DOP1B: variants seen among roughly 807,000 people sequenced by gnomAD.
DOP1B encodes the protein protein DOP1B.
DOP1B carries 174 observed loss-of-function variants against 233.5 expected under a neutral mutation model. That is an observed-to-expected ratio of 0.75 (90% confidence interval 0.66 to 0.85). The LOEUF is 0.85. DOP1B is among the 40% of genes least tolerant of loss of function. The pLI is 0.00. For synonymous variants in DOP1B, 1,190 were observed against 1,185.6 expected (o/e 1.00, Z -0.08); for missense variants, 2,652 against 2,846.6 (o/e 0.93, Z 1.56).
chr21:36,253,735 C>G, intron 22 of DOP1B, 37 bp from the exon 23 acceptor site: 1 of 1,603,152 alleles, frequency 6.2e-7, no homozygotes, highest in African/African-American at 1.3e-5. Flanking sequence ...TACTTTCTCT[C>G]TATAAGCTTT....
In DOP1B at chr21:36,214,129, A is replaced by G. The variant is rs777157544; in HGVS notation, c.953A>G (p.Asn318Ser). The change falls in exon 8 of 37, where the codon AAT becomes AGT. Residue 318 changes from asparagine to serine, a missense_variant. Transcript: ENST00000691173. ...GTTGTGCCAGAATCTGAAATCTCAA[A>G]TTCTTATGAAGACCAGTCGTCTTAT... ...NTVVPESEIS[N>S]SYEDQSSYFF... is the part of the protein sequence containing the mutation. The G allele has an allele frequency of 1.4e-5, 22 of 1,613,940 alleles. No individual in the cohort carries two copies. Among genetic ancestry groups the G allele is most frequent in the African/African-American group, 1.1e-4 (8 of 74,926 alleles).
chr21:36,224,857 T>C (rs971731629), intron 11 of DOP1B, among the ~76,000 whole-genome samples: 1 of 151,906 alleles, frequency 6.6e-6, no homozygotes, highest in Non-Finnish European at 1.5e-5. Flanking sequence ...ACTCCTGGAA[T>C]TACTTGGAGA....
chr21:36,170,205 A>G (rs1275918670), intron 2 of DOP1B: 1 of 429,656 alleles, frequency 2.3e-6, no homozygotes, highest in Admixed American at 3.7e-5. Context: ...CCACCGGTAG[A>G]GCTCTCCCTG....
Position 36,230,597 on chromosome 21 carries a change from A to T in DOP1B, c.1813A>T (p.Arg605Trp). 1 of 1,614,168 alleles carries T rather than the reference A, an allele frequency of 6.2e-7. No homozygotes were observed. The highest frequency in any genetic ancestry group is 8.5e-7 in the Non-Finnish European group (1 of 1,180,020). The stretch of plus-strand genomic sequence containing the variant: ...GTCACCGGAGCTCTCTGAGCACTTG[A>T]GGGTTCCTCGAGTTTCTCTGGAAAG... Reference protein sequence around the residue: ...ASSPELSEHLRVPRVSLERDD... With the variant: ...ASSPELSEHLWVPRVSLERDD... Residue 605 changes from arginine to tryptophan, a missense_variant, in exon 14 of 37, where the codon AGG becomes TGG. Arg to Trp is a moderately radical substitution (Grantham distance 101). Coordinates refer to ENST00000691173, the MANE Select transcript of DOP1B (RefSeq NM_001320714.2).
In DOP1B at chr21:36,270,550, C is replaced by CT. The variant is rs1465343757; in HGVS notation, c.5632+394dup. On this transcript the variant is annotated intron_variant, in intron 27 of 36. Coordinates refer to ENST00000691173, the MANE Select transcript of DOP1B (RefSeq NM_001320714.2). The stretch of plus-strand genomic sequence containing the variant: ...CCCAGGCGACAAAGCAAGACTCCGT[C>CT]TCAAAAAAAAAAAAAAAAAAAAAAA... 3.8e-3 allele frequency among the ~76,000 whole-genome samples: 130 copies of CT among 34,476 alleles called. 4 individuals are homozygous for CT. Among genetic ancestry groups the CT allele is most frequent in the African/African-American group, 0.02 (126 of 6,354 alleles). 22.6% of individuals were successfully genotyped at this position (34,476 alleles called of 152,430 possible). A position where few individuals can be genotyped will look rare whatever the true frequency, so the allele number is the denominator to read the frequency against.
At chr21:36,227,355 G>A (rs561349190) in intron 12 of DOP1B, among the ~76,000 whole-genome samples, 15 of 151,694 alleles carry the variant, frequency 9.9e-5, no homozygotes, top group African/African-American at 3.2e-4. Context: ...AGACCATCCT[G>A]GCTAACACGG....
intron 2 of DOP1B, among the ~76,000 whole-genome samples, chr21:36,183,204 A>T (rs2066121113): frequency 6.6e-6 from 1 of 151,978 alleles, no homozygotes; most frequent in African/African-American, 2.4e-5. Context: ...GCTTATTCCC[A>T]TCCTGGCCTC....
intron 4 of DOP1B, among the ~76,000 whole-genome samples, chr21:36,204,782 G>A (rs969534728): frequency 1.3e-5 from 2 of 150,318 alleles, no homozygotes; most frequent in African/African-American, 4.9e-5. Flanking sequence ...AGCCTCCCGA[G>A]TAGCTGGGAC....
chr21:36,238,542 T>C, intron 16 of DOP1B, 59 bp from the exon 17 acceptor site: 3 of 1,431,116 alleles, frequency 2.1e-6, no homozygotes, highest in Non-Finnish European at 3.0e-6. Context: ...TTATGGTGAC[T>C]GAAGACAGTG....
At chr21:36,219,641 T>A in intron 10 of DOP1B, 149 bp downstream of exon 10, 1 of 1,148,318 alleles carries the variant, frequency 8.7e-7, no homozygotes, top group Non-Finnish European at 1.2e-6. Flanking sequence ...ATCAATGCGT[T>A]GAAGTCAGTC....
rs915368403 is a variant in DOP1B at position 36,260,858 on chromosome 21, A to G, written c.5315+126A>G. The stretch of plus-strand genomic sequence containing the variant: ...AGCCATTGTTCAGAAAATATCTTAA[A>G]GTTGTCATAATTTCTTCCCAAGGTA... On this transcript the variant is annotated intron_variant, in intron 24 of 36. Transcript: ENST00000691173. The G allele has an allele frequency of 3.9e-6, 6 of 1,522,296 alleles. No homozygotes were observed. In the Admixed American group the frequency reaches 1.2e-4, roughly 29 times the overall value. The allele number at this position is 1,522,296 out of a possible 1,614,324, so 94.3% of individuals were successfully genotyped here.
rs762277927 is a variant in DOP1B at position 36,163,344 on chromosome 21, C to CA, written c.-26-1349dup. Among the ~76,000 whole-genome samples the CA allele has an allele frequency of 7.4e-3, 796 of 107,746 alleles. 28 individuals carry two copies. The highest frequency in any genetic ancestry group is 8.7e-3 in the Admixed American group (82 of 9,462). 70.7% of individuals were successfully genotyped at this position (107,746 alleles called of 152,430 possible). On this transcript the variant is annotated intron_variant, in intron 1 of 36. Coordinates refer to ENST00000691173, the MANE Select transcript of DOP1B (RefSeq NM_001320714.2). ...GGTCAACAAGAGTGAGACTCTGTCT[C>CA]AAAAAAAAAAAAAAAGAAAGAAAGA... is the stretch of plus-strand genomic sequence containing the variant.
chr21:36,160,087 G>A (rs376891870), intron 1 of DOP1B, among the ~76,000 whole-genome samples: 6 of 152,062 alleles, frequency 3.9e-5, no homozygotes, highest in East Asian at 1.9e-4. Context: ...GGAGTATTGC[G>A]GTGGTTTAGA....
chr21:36,245,480 C>A lies in DOP1B; in HGVS notation c.3500C>A (p.Ser1167Ter), dbSNP rs2066948061. The A allele has an allele frequency of 1.9e-6, 3 of 1,613,822 alleles. No homozygotes were observed. The highest frequency in any genetic ancestry group is 2.5e-6 in the Non-Finnish European group (3 of 1,180,040). Residue 1167 changes from serine to a stop codon, truncating the protein, a stop_gained, in exon 19 of 37, where the codon TCA becomes TAA. Coordinates refer to ENST00000691173, the MANE Select transcript of DOP1B (RefSeq NM_001320714.2). LOFTEE classifies it high-confidence loss of function. This position sits in a 1 kb window ranked among gnomAD's most constrained non-coding sequence, Gnocchi z 5.5. Reference protein sequence around the residue: ...KRSALLAAFQSESFKAGAKLS... With the variant: ...KRSALLAAFQ ...TCGGCCCTGCTGGCGGCCTTCCAGT[C>A]AGAAAGCTTCAAGGCTGGGGCCAAG...
chr21:36,204,263 C>A (rs550428109), intron 4 of DOP1B, among the ~76,000 whole-genome samples: 2 of 152,290 alleles, frequency 1.3e-5, no homozygotes, highest in Admixed American at 6.5e-5. Context: ...GGTGGACGTT[C>A]AGAAACCCTG....
At position 36,246,641 on chromosome 21, in the gene DOP1B, A is replaced by C. The variant is rs1376752743; in HGVS notation, c.4661A>C (p.Lys1554Thr). The change falls in exon 19 of 37, where the codon AAG (lysine) becomes ACG (threonine). Residue 1554 changes from lysine to threonine, a missense_variant. Transcript: ENST00000691173. The surrounding 1 kb of genome is among the most constrained non-coding windows in gnomAD (Gnocchi z 5.1). ...TGCAAAAACTTGGATGACTTGGTCA[A>C]GCAGTATGAAAGCGAATCTGTGAAG... ...QICKNLDDLV[K>T]QYESESVKLS... The C allele has an allele frequency of 6.2e-7, 1 of 1,613,922 alleles. No individual in the cohort carries two copies. Among genetic ancestry groups the C allele is most frequent in the South Asian group, 1.1e-5 (1 of 91,084 alleles).
intron 35 of DOP1B, among the ~76,000 whole-genome samples, chr21:36,290,155 G>A (rs2067539126): frequency 6.6e-6 from 1 of 152,214 alleles, no homozygotes; most frequent in Non-Finnish European, 1.5e-5. Flanking sequence ...AGGATGGGAT[G>A]TACGGGAACT....
intron 11 of DOP1B, 147 bp downstream of exon 11, chr21:36,223,497 G>A: frequency 9.5e-7 from 1 of 1,052,674 alleles, no homozygotes; most frequent in Non-Finnish European, 1.3e-6. Flanking sequence ...AAACAGGATT[G>A]GAAAGAATTC....
chr21:36,206,783 A>T (rs1447854349), intron 4 of DOP1B, among the ~76,000 whole-genome samples: 2 of 152,184 alleles, frequency 1.3e-5, no homozygotes, highest in African/African-American at 4.8e-5. Context: ...GACAAGCTCT[A>T]TTTGTTTACT....
Sources: gnomAD v4.1 joint callset for allele counts (sites outside exome capture counted in the v4.1 genomes callset) on GRCh38, gnomAD v4.1.1 for gene constraint, Gnocchi (gnomAD v3.1) non-coding constraint, MANE v1.5 for transcripts, NCBI Gene and HGNC (gene_info 2026-07-23, HGNC 2026-07-21) for gene names.